The following FAM163A variants were observed in gnomAD, a reference collection of about 807,000 sequenced individuals.
FAM163A encodes protein FAM163A.
Under a neutral mutation model 12.0 loss-of-function variants are expected in FAM163A, and 7 were observed. That is an observed-to-expected ratio of 0.58 (90% CI 0.33 to 1.10). The LOEUF (loss-of-function observed/expected upper bound fraction) is 1.10. Among genes scored for constraint, FAM163A ranks in the 50% least tolerant of loss-of-function variants. The pLI, the probability that FAM163A is intolerant of heterozygous loss-of-function variation, is 0.03. For missense variants in FAM163A, 202 were observed against 218.6 expected (o/e 0.92, Z 0.48); for synonymous variants, 101 against 91.0 (o/e 1.11, Z -0.62).
intron 1 of FAM163A, among the ~76,000 whole-genome samples, chr1:179,801,022 T>A (rs1244936794): frequency 2.6e-5 from 4 of 152,184 alleles, no homozygotes; most frequent in African/African-American, 9.7e-5. Context: ...TGAGGACTGC[T>A]GTTCTCATGG....
chr1:179,785,922 G>A (rs1557943532), intron 1 of FAM163A, among the ~76,000 whole-genome samples: 1 of 152,160 alleles, frequency 6.6e-6, no homozygotes, highest in Non-Finnish European at 1.5e-5. Context: ...TAATGCTGCA[G>A]TGAACATCGA....
intron 1 of FAM163A, among the ~76,000 whole-genome samples, chr1:179,787,696 C>T (rs1475456633): frequency 6.6e-6 from 1 of 152,170 alleles, no homozygotes; most frequent in African/African-American, 2.4e-5. Flanking sequence ...GACCTGACTC[C>T]ATGTGTTTTA....
At chr1:179,795,764 A>G (rs1557957747) in intron 1 of FAM163A, among the ~76,000 whole-genome samples, 1 of 152,202 alleles carries the variant, frequency 6.6e-6, no homozygotes, top group African/African-American at 2.4e-5. Flanking sequence ...GCCACCAAAT[A>G]GAAACATTCT....
At chr1:179,783,725 T>G (rs2318394) in intron 1 of FAM163A, among the ~76,000 whole-genome samples, 1 of 80,298 alleles carries the variant, frequency 1.2e-5, no homozygotes, top group South Asian at 3.7e-4. Flanking sequence ...CTTCCCAAAT[T>G]TTATATAATT....
intron 1 of FAM163A, among the ~76,000 whole-genome samples, chr1:179,764,136 G>A (rs1687179932): frequency 6.6e-6 from 1 of 152,294 alleles, no homozygotes; most frequent in African/African-American, 2.4e-5. Flanking sequence ...CACAGAACTG[G>A]CTGGCAGCAC....
chr1:179,780,387 T>C (rs1406349357), intron 1 of FAM163A, among the ~76,000 whole-genome samples: 1 of 152,238 alleles, frequency 6.6e-6, no homozygotes, highest in Non-Finnish European at 1.5e-5. Context: ...TACAACAGTG[T>C]TATTTGCCAG....
At chr1:179,787,887 C>T (rs1690877752) in intron 1 of FAM163A, among the ~76,000 whole-genome samples, 1 of 152,160 alleles carries the variant, frequency 6.6e-6, no homozygotes, top group African/African-American at 2.4e-5. Context: ...CCCCCAGCCT[C>T]CCACCCATAG....
At chr1:179,790,796 A>G (rs1691363825) in intron 1 of FAM163A, among the ~76,000 whole-genome samples, 1 of 152,184 alleles carries the variant, frequency 6.6e-6, no homozygotes, top group Admixed American at 6.5e-5. Flanking sequence ...AGACCTGGGA[A>G]TATAGTGGCC....
At chr1:179,753,316 G>A (rs1434030792) in intron 1 of FAM163A, among the ~76,000 whole-genome samples, 2 of 152,206 alleles carry the variant, frequency 1.3e-5, no homozygotes, top group Non-Finnish European at 2.9e-5. Context: ...GGAGAAGGGG[G>A]AGTTGGTAAT....
At chr1:179,777,563 C>A (rs1390386651) in intron 1 of FAM163A, among the ~76,000 whole-genome samples, 2 of 152,196 alleles carry the variant, frequency 1.3e-5, no homozygotes, top group Non-Finnish European at 2.9e-5. Context: ...AGCTCCAGAT[C>A]AAGGTCACCT....
chr1:179,753,378 T>C (rs1450535062), intron 1 of FAM163A, among the ~76,000 whole-genome samples: 5 of 152,202 alleles, frequency 3.3e-5, no homozygotes, highest in Admixed American at 6.5e-5. Flanking sequence ...CAACATTGTG[T>C]TTATGGATAA....
chr1:179,773,008 A>G (rs1233291509), intron 1 of FAM163A, among the ~76,000 whole-genome samples: 1 of 149,126 alleles, frequency 6.7e-6, no homozygotes, highest in African/African-American at 2.5e-5. Flanking sequence ...AATCTAGTTC[A>G]TCAGAATTTG....
intron 1 of FAM163A, among the ~76,000 whole-genome samples, chr1:179,802,528 G>T (rs563266627): frequency 6.6e-6 from 1 of 152,156 alleles, no homozygotes; most frequent in Admixed American, 6.5e-5. Flanking sequence ...GCCCAGCAAC[G>T]GTAACAAACA....
intron 1 of FAM163A, among the ~76,000 whole-genome samples, chr1:179,781,480 T>C (rs1299863606): frequency 6.6e-6 from 1 of 151,136 alleles, no homozygotes; most frequent in African/African-American, 2.4e-5. Flanking sequence ...AGAAAGGGGC[T>C]CAAATGAGCA....
chr1:179,738,705 A>G (rs1557877160), upstream of FAM163A, among the ~76,000 whole-genome samples: 1 of 152,216 alleles, frequency 6.6e-6, no homozygotes, highest in African/African-American at 2.4e-5. Flanking sequence ...TAGAAGGCAA[A>G]TTAGATACCT....
chr1:179,810,345 G>T (rs1306516245), intron 2 of FAM163A, among the ~76,000 whole-genome samples: 1 of 152,044 alleles, frequency 6.6e-6, no homozygotes, highest in Non-Finnish European at 1.5e-5. Context: ...TAAACAGATG[G>T]AAAAAGAAAG....
At chr1:179,783,438 T>C (rs142357485) in intron 1 of FAM163A, among the ~76,000 whole-genome samples, 1 of 152,278 alleles carries the variant, frequency 6.6e-6, no homozygotes, top group East Asian at 1.9e-4. Flanking sequence ...AGTTTGACAA[T>C]GTTTATTTTT....
intron 1 of FAM163A, among the ~76,000 whole-genome samples, chr1:179,755,420 G>A (rs1211394057): frequency 2.0e-5 from 3 of 152,190 alleles, no homozygotes; most frequent in Non-Finnish European, 4.4e-5. Flanking sequence ...ATTTTTAAAT[G>A]TTGTGGCTAG....
chr1:179,801,827 G>A (rs1693221095), intron 1 of FAM163A, among the ~76,000 whole-genome samples: 1 of 152,206 alleles, frequency 6.6e-6, no homozygotes, highest in Admixed American at 6.5e-5. Flanking sequence ...GCAGATACCA[G>A]GCAGGCGGCC....
Sources: allele counts gnomAD v4.1 joint callset (sites outside exome capture counted in the v4.1 genomes callset), GRCh38; gene constraint gnomAD v4.1.1; transcripts MANE v1.5; gene names NCBI Gene and HGNC (gene_info 2026-07-23, HGNC 2026-07-21).